Variants in IL1F10 observed in about 807,000 individuals in gnomAD.
IL1F10 encodes the protein interleukin 1 family member 10.
IL1F10 carries 13 observed loss-of-function variants against 13.1 expected under a neutral mutation model. The ratio of observed to expected loss-of-function variants is 0.99; its 90% CI spans 0.64 to 1.57. The LOEUF is 1.57. Ranked by LOEUF, IL1F10 falls within the 40% of genes most tolerant of loss-of-function variation. The pLI is 0.00. For missense variants in IL1F10, 191 were observed against 184.1 expected (o/e 1.04, Z -0.22); for synonymous variants, 78 against 68.2 (o/e 1.14, Z -0.71).
At position 113,072,723 on chromosome 2, in the gene IL1F10, A is replaced by G. The variant is rs1317234740; in HGVS notation, c.-16A>G. The G allele has an allele frequency of 2.5e-6, 4 of 1,611,080 alleles. No homozygotes were observed. Among genetic ancestry groups the G allele is most frequent in the Non-Finnish European group, 3.4e-6 (4 of 1,177,908 alleles). On this transcript the variant is annotated 5_prime_UTR_variant, in exon 2 of 5. Transcript: ENST00000341010. ...TCCTCCCCATCAGTGAGGACCAGAC[A>G]CCACTGATTGCAGGAATGTGTTCCC...
In IL1F10 at chr2:113,075,217, C is replaced by T. The variant is rs758709836; in HGVS notation, c.312C>T (p.Ser104=). The T allele has an allele frequency of 1.2e-6, 2 of 1,613,880 alleles. No homozygotes were observed. The highest frequency in any genetic ancestry group is 1.7e-6 in the Non-Finnish European group (2 of 1,179,956). ...CCACACGCTTCACCTTCTTCCAGAG[C>T]AGCTCAGGCTCCGCCTTCAGGCTTG... The part of the protein sequence containing the change: ...EEATRFTFFQ[S]SSGSAFRLEA... The change falls in exon 5 of 5, where the codon AGC becomes AGT. Residue 104 remains serine, a synonymous_variant. Coordinates refer to ENST00000341010, the MANE Select transcript of IL1F10 (RefSeq NM_173161.3).
rs28929168 is a variant in IL1F10, at chr2:113,075,663, G to C, written c.*299G>C. ...ATGCTTCTAATTTTGAAGATGGAGTGAGGGGCCTTGAGCCAACAAATGCAG... is the reference window on the plus strand; with the variant it reads ...ATGCTTCTAATTTTGAAGATGGAGTCAGGGGCCTTGAGCCAACAAATGCAG... On this transcript the variant is annotated 3_prime_UTR_variant, in exon 5 of 5. Coordinates refer to ENST00000341010, the MANE Select transcript of IL1F10 (RefSeq NM_173161.3). The C allele has an allele frequency of 0.013, 2,756 of 206,642 alleles. 87 individuals carry two copies. The highest frequency in any genetic ancestry group is 0.059 in the African/African-American group (2,558 of 43,480). The allele number at this position is 206,642 out of a possible 1,614,324, so 12.8% of individuals were successfully genotyped here.
chr2:113,069,070 T>G (rs1284210197), intron 1 of IL1F10, among the ~76,000 whole-genome samples: 1 of 152,190 alleles, frequency 6.6e-6, no homozygotes, highest in African/African-American at 2.4e-5. Flanking sequence ...CCAGTGATCT[T>G]AATATCAAAA....
chr2:113,071,292 A>C (rs1451887159), intron 1 of IL1F10, among the ~76,000 whole-genome samples: 1 of 152,200 alleles, frequency 6.6e-6, no homozygotes, highest in East Asian at 1.9e-4. Flanking sequence ...ATCCTTATTT[A>C]TTGAATTTTG....
chr2:113,075,256 G>A lies in IL1F10; in HGVS notation c.351G>A (p.Trp117Ter), dbSNP rs774013490. The stretch of plus-strand genomic sequence containing the variant: ...CCTTCAGGCTTGAGGCTGCTGCCTG[G>A]CCTGGCTGGTTCCTGTGTGGCCCGG... The part of the protein sequence containing the change: ...GSAFRLEAAA[W>*]PGWFLCGPAE... The change falls in exon 5 of 5, where the codon TGG (tryptophan) becomes TGA (stop). Residue 117 changes from tryptophan to a stop codon, truncating the protein, a stop_gained. Coordinates refer to ENST00000341010, the MANE Select transcript of IL1F10 (RefSeq NM_173161.3). LOFTEE classifies it high-confidence loss of function. The A allele has an allele frequency of 8.7e-6, 14 of 1,613,638 alleles. No individual in the cohort carries two copies. In the African/African-American group the frequency reaches 1.7e-4, roughly 20 times the overall value.
chr2:113,070,267 C>G (rs28928281), intron 1 of IL1F10, among the ~76,000 whole-genome samples: 14 of 152,150 alleles, frequency 9.2e-5, no homozygotes, highest in African/African-American at 3.4e-4. Context: ...ATGGACCAGA[C>G]GCTAGCTTCC....
At chr2:113,074,998 CACCAAG>C in intron 4 of IL1F10, 148 bp downstream of exon 4, 1 of 1,211,634 alleles carries the variant, frequency 8.3e-7, no homozygotes. Context: ...CTGCACCTAG[CACCAAG>C]ACCCTTGCCC....
At chr2:113,073,612 G>A (rs1437649875) in intron 2 of IL1F10, among the ~76,000 whole-genome samples, 3 of 152,196 alleles carry the variant, frequency 2.0e-5, no homozygotes, top group South Asian at 2.1e-4. Context: ...CAGATAACAC[G>A]CCCAGGATCT....
intron 1 of IL1F10, chr2:113,072,420 ATTTGGGGGAATCTGT>A (rs1685850691): frequency 3.4e-6 from 1 of 290,640 alleles, no homozygotes; most frequent in African/African-American, 2.2e-5. Flanking sequence ...TGGCTCAGCT[ATTTGGGGGAATCTGT>A]TTTCCAGTTT....
chr2:113,074,482 C>T, intron 3 of IL1F10, 68 bp downstream of exon 3: 1 of 1,326,238 alleles, frequency 7.5e-7, no homozygotes, highest in South Asian at 1.2e-5. Context: ...CTTCCCTTTC[C>T]TCCCCAGCAG....
intron 4 of IL1F10, 136 bp downstream of exon 4, chr2:113,074,986 C>A: frequency 7.9e-7 from 1 of 1,261,202 alleles, no homozygotes; most frequent in Non-Finnish European, 1.1e-6. Context: ...CACCATCTCC[C>A]TCTGCACCTA....
chr2:113,075,314 G>T lies in IL1F10; in HGVS notation c.409G>T (p.Glu137Ter). The change falls in exon 5 of 5, where the codon GAG becomes TAG. Residue 137 changes from glutamate to a stop codon, truncating the protein, a stop_gained. Coordinates refer to ENST00000341010, the MANE Select transcript of IL1F10 (RefSeq NM_173161.3). LOFTEE classifies it high-confidence loss of function. The part of the protein sequence containing the change: ...EPQQPVQLTK[E>*]SEPSARTKFY... ...CCAGCAGCCAGTACAGCTCACCAAG[G>T]AGAGTGAGCCCTCAGCCCGTACCAA... 6.2e-7 allele frequency: 1 copy of T among 1,603,082 alleles called. No individual in the cohort carries two copies. Among genetic ancestry groups the T allele is most frequent in the Non-Finnish European group, 8.5e-7 (1 of 1,171,078 alleles).
In IL1F10 at chr2:113,072,131, C is replaced by T. The variant is rs894987120; in HGVS notation, c.-28-580C>T. ...TGGGGGAGTTTGGATGGGCTGTTTT[C>T]GGCAGTCTTGGCCAAGCACTTCTAG... On this transcript the variant is annotated intron_variant, in intron 1 of 4. Transcript: ENST00000341010. 2.6e-5 allele frequency among the ~76,000 whole-genome samples: 4 copies of T among 152,168 alleles called. No individual in the cohort carries two copies. In the South Asian group the frequency reaches 8.3e-4, roughly 31 times the overall value.
chr2:113,073,551 G>A (rs1685877084), intron 2 of IL1F10, among the ~76,000 whole-genome samples: 1 of 152,226 alleles, frequency 6.6e-6, no homozygotes, highest in Non-Finnish European at 1.5e-5. Flanking sequence ...ATAGAATGCT[G>A]CTGGCATGTG....
chr2:113,073,293 T>C (rs1225545190), intron 2 of IL1F10, among the ~76,000 whole-genome samples: 2 of 152,226 alleles, frequency 1.3e-5, no homozygotes, highest in African/African-American at 2.4e-5. Flanking sequence ...GATTTTGTCA[T>C]AAGCTCCTTT....
chr2:113,073,656 C>T (rs919830822), intron 2 of IL1F10, among the ~76,000 whole-genome samples: 9 of 152,140 alleles, frequency 5.9e-5, no homozygotes, highest in Non-Finnish European at 1.2e-4. Context: ...ACAAGTGAAC[C>T]TGCTTTAAAT....
chr2:113,068,973 A>C (rs1053171905), intron 1 of IL1F10, among the ~76,000 whole-genome samples: 1 of 152,232 alleles, frequency 6.6e-6, no homozygotes, highest in East Asian at 1.9e-4. Context: ...GTTAAAAGAC[A>C]TAACCCTGTA....
At chr2:113,074,527 G>A (rs1685899431) in intron 3 of IL1F10, 113 bp downstream of exon 3, 1 of 1,082,940 alleles carries the variant, frequency 9.2e-7, no homozygotes, top group Admixed American at 1.7e-5. Context: ...CAGTGAGAAG[G>A]GCCAGAGAGC....
At chr2:113,074,879 C>A in intron 4 of IL1F10, 29 bp downstream of exon 4, 1 of 1,605,974 alleles carries the variant, frequency 6.2e-7, no homozygotes, top group East Asian at 2.2e-5. Context: ...TTCTAGGGGA[C>A]ACTGCAGACC....
Sources: gnomAD v4.1 joint callset for allele counts (sites outside exome capture counted in the v4.1 genomes callset) on GRCh38, gnomAD v4.1.1 for gene constraint, MANE v1.5 for transcripts, NCBI Gene and HGNC (gene_info 2026-07-23, HGNC 2026-07-21) for gene names.